The following ZNF704 variants were observed in gnomAD, a reference collection of about 807,000 sequenced individuals.
The protein encoded by ZNF704 is zinc finger protein 704.
A neutral mutation model predicts 44.7 loss-of-function variants in ZNF704; 10 were observed. That is an observed-to-expected ratio of 0.22 (90% CI 0.14 to 0.38). The LOEUF (loss-of-function observed/expected upper bound fraction) is 0.38, where lower values mean the gene tolerates loss of function less well. Among genes scored for constraint, ZNF704 ranks in the 10% least tolerant of loss-of-function variants. The pLI is 1.00. For missense variants in ZNF704, 390 were observed against 545.5 expected (o/e 0.71, Z 2.84); for synonymous variants, 211 against 207.6 (o/e 1.02, Z -0.14).
chr8:80,748,259 G>A (rs1423903850), intron 2 of ZNF704, among the ~76,000 whole-genome samples: 3 of 152,218 alleles, frequency 2.0e-5, no homozygotes, highest in Non-Finnish European at 4.4e-5. Flanking sequence ...TCTAATAAAA[G>A]TGGGCACCAT....
intron 2 of ZNF704, among the ~76,000 whole-genome samples, chr8:80,717,372 C>T (rs751647770): frequency 1.3e-5 from 2 of 152,236 alleles, no homozygotes; most frequent in South Asian, 2.1e-4. Context: ...ATTCCTGAAG[C>T]TTATATTTTA....
intron 2 of ZNF704, among the ~76,000 whole-genome samples, chr8:80,721,005 G>A (rs1269001433): frequency 6.6e-6 from 1 of 152,178 alleles, no homozygotes; most frequent in African/African-American, 2.4e-5. Context: ...GGTCCCATTC[G>A]CATTGTGTGA....
chr8:80,836,891 T>C (rs1808592504), intron 1 of ZNF704, among the ~76,000 whole-genome samples: 1 of 152,224 alleles, frequency 6.6e-6, no homozygotes, highest in South Asian at 2.1e-4. Context: ...AATTATTTAT[T>C]ATGCTTATTG....
At chr8:80,658,180 T>C (rs1261343843) in intron 7 of ZNF704, among the ~76,000 whole-genome samples, 1 of 152,194 alleles carries the variant, frequency 6.6e-6, no homozygotes, top group Non-Finnish European at 1.5e-5. Flanking sequence ...CTGTTCCATC[T>C]ACATGCTATA....
At chr8:80,873,898 C>T (rs1278163753) in intron 1 of ZNF704, among the ~76,000 whole-genome samples, 1 of 145,290 alleles carries the variant, frequency 6.9e-6, no homozygotes, top group African/African-American at 2.5e-5. Context: ...CCGGGGCGGG[C>T]GCCGGGGCCG....
chr8:80,811,850 C>T (rs1212410273), intron 2 of ZNF704, among the ~76,000 whole-genome samples: 1 of 152,166 alleles, frequency 6.6e-6, no homozygotes, highest in Non-Finnish European at 1.5e-5. Flanking sequence ...CTGCAGTGGG[C>T]AAGTAAGCAT....
rs560555218 is a variant in ZNF704, at chr8:80,700,887, TTCTG to T, written c.222-7784_222-7781del. ...CCCACTTCAACTCCCCCCTCCCCTTTTCTGTCTAGCTCTACTCTCTGTCACTGCA... is the reference window on the plus strand; with the variant it reads ...CCCACTTCAACTCCCCCCTCCCCTTTTCTAGCTCTACTCTCTGTCACTGCA... On this transcript the variant is annotated intron_variant, in intron 2 of 8. Coordinates refer to ENST00000327835, the MANE Select transcript of ZNF704 (RefSeq NM_001033723.3). Among the ~76,000 whole-genome samples the T allele has an allele frequency of 1.2e-4, 18 of 152,230 alleles. 1 individual carries two copies. Among genetic ancestry groups the T allele is most frequent in the Admixed American group, 1.0e-3 (16 of 15,292 alleles).
At chr8:80,745,600 C>A (rs1344482903) in intron 2 of ZNF704, among the ~76,000 whole-genome samples, 1 of 152,156 alleles carries the variant, frequency 6.6e-6, no homozygotes, top group Non-Finnish European at 1.5e-5. Context: ...TAATAGAATA[C>A]TCTATAAAAT....
intron 1 of ZNF704, among the ~76,000 whole-genome samples, chr8:80,842,467 C>A (rs7827992): frequency 0.11 from 17,239 of 152,038 alleles, 1,398 homozygotes; most frequent in African/African-American, 0.23. Flanking sequence ...CATGGGCCCC[C>A]TGTGTAAAAG....
chr8:80,853,425 T>C (rs900757488), intron 1 of ZNF704, among the ~76,000 whole-genome samples: 1 of 152,200 alleles, frequency 6.6e-6, no homozygotes, highest in African/African-American at 2.4e-5. Context: ...AGTTCCTTCT[T>C]TTTTCTTTCC....
At chr8:80,728,755 T>A (rs1391770227) in intron 2 of ZNF704, among the ~76,000 whole-genome samples, 3 of 152,190 alleles carry the variant, frequency 2.0e-5, no homozygotes, top group Non-Finnish European at 4.4e-5. Flanking sequence ...AGTCAATAAA[T>A]CTGAATCTGA....
intron 2 of ZNF704, among the ~76,000 whole-genome samples, chr8:80,805,752 G>A (rs1268059654): frequency 6.6e-6 from 1 of 152,092 alleles, no homozygotes; most frequent in Non-Finnish European, 1.5e-5. Context: ...TGGTAAAAGT[G>A]CCCTGTTATT....
Position 80,646,396 on chromosome 8 carries a change from G to A in ZNF704, c.1033-3267C>T, listed in dbSNP as rs114104417. ...CAGCTGAGGTGGGAGGATCACCTGA[G>A]TGTGGAGAGTTCAAGGGAGCAGTGA... On this transcript the variant is annotated intron_variant, in intron 7 of 8. Transcript: ENST00000327835. Among the ~76,000 whole-genome samples, 444 of 151,768 alleles carry A rather than the reference G, an allele frequency of 2.9e-3. 2 individuals carry two copies. Among genetic ancestry groups the A allele is most frequent in the African/African-American group, 0.01 (425 of 41,382 alleles).
At chr8:80,693,762 A>G (rs140428275) in intron 2 of ZNF704, among the ~76,000 whole-genome samples, 13 of 152,268 alleles carry the variant, frequency 8.5e-5, no homozygotes, top group Non-Finnish European at 8.8e-5. Flanking sequence ...AGCGGTGCAG[A>G]GCTAGTCAGA....
chr8:80,813,869 ACT>A (rs1808131844), intron 2 of ZNF704, among the ~76,000 whole-genome samples: 1 of 151,772 alleles, frequency 6.6e-6, no homozygotes, highest in African/African-American at 2.4e-5. Context: ...ATAGAGCAAG[ACT>A]CTGTCTCAAA....
At chr8:80,779,504 T>C (rs968148505) in intron 2 of ZNF704, among the ~76,000 whole-genome samples, 1 of 152,072 alleles carries the variant, frequency 6.6e-6, no homozygotes, top group Non-Finnish European at 1.5e-5. Context: ...TTTTGATCAG[T>C]ACCCTATTAT....
chr8:80,806,240 A>T (rs966798810), intron 2 of ZNF704, among the ~76,000 whole-genome samples: 13 of 152,334 alleles, frequency 8.5e-5, no homozygotes, highest in Admixed American at 8.5e-4. Context: ...AATTTTTTTA[A>T]AAAACCAATT....
chr8:80,781,021 C>T (rs1448416677), intron 2 of ZNF704, among the ~76,000 whole-genome samples: 2 of 152,290 alleles, frequency 1.3e-5, no homozygotes, highest in African/African-American at 2.4e-5. Flanking sequence ...AAAATTACAG[C>T]GTTGGATTAA....
intron 1 of ZNF704, among the ~76,000 whole-genome samples, chr8:80,870,003 T>C (rs1233958361): frequency 6.6e-6 from 1 of 152,178 alleles, no homozygotes; most frequent in Non-Finnish European, 1.5e-5. Context: ...TGCAAGGGAA[T>C]GAATTCTGCC....
Sources: gnomAD v4.1 joint callset for allele counts (sites outside exome capture counted in the v4.1 genomes callset) on GRCh38, gnomAD v4.1.1 for gene constraint, MANE v1.5 for transcripts, NCBI Gene and HGNC (gene_info 2026-07-23, HGNC 2026-07-21) for gene names.